RPL3: variants seen among roughly 807,000 people sequenced by gnomAD.
RPL3 encodes large ribosomal subunit protein uL3.
In RPL3, 3 loss-of-function variants were observed where a neutral mutation model predicts 46.0. The observed-to-expected ratio is 0.07, with a 90% CI of 0.03 to 0.17. The LOEUF (loss-of-function observed/expected upper bound fraction) is 0.17. Among genes scored for constraint, RPL3 ranks in the 10% least tolerant of loss-of-function variants. The probability of loss-of-function intolerance (pLI) is 1.00; values close to 1 mark genes in which losing one functional copy is unlikely to be tolerated. For synonymous variants in RPL3, 224 were observed against 190.8 expected (o/e 1.17, Z -1.43); for missense variants, 387 against 532.7 (o/e 0.73, Z 2.69).
intron 9 of RPL3, 47 bp downstream of exon 9, chr22:39,313,144 T>C (rs1601626153): frequency 1.9e-6 from 3 of 1,600,416 alleles, no homozygotes; most frequent in Non-Finnish European, 2.6e-6. Context: ...GGCAGGCGGC[T>C]GCCCAAGCCA....
At chr22:39,319,620 AGAGGCC>A in exon 1 of RPL3, 1 of 1,551,076 alleles carries the variant, frequency 6.4e-7, no homozygotes, top group Non-Finnish European at 8.7e-7. Context: ...TCCCGCCGGT[AGAGGCC>A]GGTCGGCCTT....
chr22:39,315,203 T>C (rs758042774), intron 5 of RPL3, 166 bp downstream of exon 5: 1 of 1,061,128 alleles, frequency 9.4e-7, no homozygotes, highest in Non-Finnish European at 1.5e-6. Flanking sequence ...CAGCCACTTC[T>C]GACCACAAGG....
Position 39,318,542 on chromosome 22 carries a change from A to G in RPL3, c.54T>C (p.Pro18=). 6.2e-7 allele frequency: 1 copy of G among 1,613,406 alleles called. No individual in the cohort carries two copies. The highest frequency in any genetic ancestry group is 1.6e-4 in the Middle Eastern group (1 of 6,062). The change falls in exon 2 of 10, where the codon CCT becomes CCC. Residue 18 remains proline (P), a synonymous_variant. Transcript: ENST00000216146. ...APRHGSLGFL[P]RKRSSRHRGK... is the part of the protein sequence containing the mutation. ...CACGATGCCTGCTGCTGCGCTTCCG[A>G]GGCAGGAAGCCGAGGGACCCATGTC...
intron 3 of RPL3, 32 bp from the exon 4 acceptor site, chr22:39,316,873 C>A: frequency 6.2e-7 from 1 of 1,613,234 alleles, no homozygotes; most frequent in Non-Finnish European, 8.5e-7. Context: ...GGGGAGGGGA[C>A]CAGGTGCAGG....
chr22:39,318,604 A>C lies in RPL3; in HGVS notation c.4-12T>G. 1 of 1,598,474 alleles carries C rather than the reference A, an allele frequency of 6.3e-7. No individual in the cohort carries two copies. The highest frequency in any genetic ancestry group is 8.5e-7 in the Non-Finnish European group (1 of 1,172,388). ...AACTTTCTGTGAGACTAGGTGGGAA[A>C]AAAATCACCGTCAGCACCCAAACCA... is the stretch of plus-strand genomic sequence containing the variant. On this transcript the variant is annotated splice_polypyrimidine_tract_variant and intron_variant, in intron 1 of 9. Coordinates refer to ENST00000216146, the MANE Select transcript of RPL3 (RefSeq NM_000967.4).
rs746407381 is a variant in RPL3, at chr22:39,314,224, G to C, written c.850-16C>G. ...TCTTATAAATCTGAATGAACAAGAA[G>C]GGTGTAAGGCTGGGGCATTAGGGAC... On this transcript the variant is annotated splice_polypyrimidine_tract_variant and intron_variant, in intron 6 of 9. Transcript: ENST00000216146. The C allele has an allele frequency of 6.2e-7, 1 of 1,608,144 alleles. No homozygotes were observed. The highest frequency in any genetic ancestry group is 2.2e-5 in the East Asian group (1 of 44,850).
intron 4 of RPL3, 63 bp downstream of exon 4, chr22:39,316,643 C>CA (rs1437771935): frequency 6.8e-6 from 11 of 1,606,536 alleles, no homozygotes; most frequent in African/African-American, 1.3e-5. Flanking sequence ...ACGGGACCCC[C>CA]ATGATCACAT....
intron 1 of RPL3, chr22:39,319,354 G>T (rs1335818418): frequency 1.6e-5 from 10 of 615,584 alleles, no homozygotes; most frequent in Non-Finnish European, 2.3e-5. Context: ...GGGCCTCCAA[G>T]CCTGCTCCCA....
At chr22:39,319,554 G>A (rs780150318) in intron 1 of RPL3, 41 bp downstream of exon 1, 20 of 1,559,824 alleles carry the variant, frequency 1.3e-5, no homozygotes, top group East Asian at 2.4e-5. Context: ...CAGCCGTGCC[G>A]ACGCCGGTGA....
At chr22:39,314,970 A>G in intron 5 of RPL3, 124 bp from the exon 6 acceptor site, 1 of 1,360,588 alleles carries the variant, frequency 7.3e-7, no homozygotes. Flanking sequence ...TTTCATGTGC[A>G]TTACCCACAG....
chr22:39,313,168 G>T (rs565787243), intron 9 of RPL3, 23 bp downstream of exon 9: 17 of 1,605,532 alleles, frequency 1.1e-5, no homozygotes, highest in South Asian at 5.6e-5. Flanking sequence ...CACCCAGCGA[G>T]GGGGGCAGGC....
chr22:39,317,154 G>C, intron 3 of RPL3: 1 of 580,114 alleles, frequency 1.7e-6, no homozygotes, highest in Non-Finnish European at 3.1e-6. Context: ...CAGGGCCAGA[G>C]GCCCTTGCCA....
intron 5 of RPL3, chr22:39,315,153 G>A (rs1922601310): frequency 2.4e-6 from 2 of 830,682 alleles, no homozygotes; most frequent in Admixed American, 3.4e-5. Flanking sequence ...AAAGGGTCCA[G>A]GAACGTGTTA....
chr22:39,318,321 C>T, intron 2 of RPL3, 79 bp downstream of exon 2: 1 of 1,509,810 alleles, frequency 6.6e-7, no homozygotes, highest in Non-Finnish European at 9.0e-7. Context: ...CTGCCCTCTG[C>T]TAACAGCTTG....
chr22:39,317,588 C>G lies in RPL3; in HGVS notation c.238G>C (p.Glu80Gln). 1 of 1,613,964 alleles carries G rather than the reference C, an allele frequency of 6.2e-7. No individual in the cohort carries two copies. Among genetic ancestry groups the G allele is most frequent in the Non-Finnish European group, 8.5e-7 (1 of 1,179,844 alleles). Reference sequence around the variant, plus strand: ...CCCACAACCACCATGGGTGGTGTCTCTACAATGGTCACAGCCTCCACCACC... The same window carrying G: ...CCCACAACCACCATGGGTGGTGTCTGTACAATGGTCACAGCCTCCACCACC... ...KEVVEAVTIV[E>Q]TPPMVVVGIV... is the part of the protein sequence containing the mutation. The change falls in exon 3 of 10, where the codon GAG becomes CAG. Residue 80 changes from glutamate to glutamine, a missense_variant. This residue lies in a region of RPL3 where 196 missense variants were observed against 217.5 expected (regional missense o/e 0.90). Coordinates refer to ENST00000216146, the MANE Select transcript of RPL3 (RefSeq NM_000967.4).
chr22:39,314,497 C>G (rs1302356637), intron 6 of RPL3, 189 bp downstream of exon 6: 1 of 702,142 alleles, frequency 1.4e-6, no homozygotes, highest in African/African-American at 1.8e-5. Context: ...AGCCCCACCA[C>G]AGCCACTCTA....
intron 4 of RPL3, 144 bp downstream of exon 4, chr22:39,316,562 C>G (rs929822912): frequency 9.7e-7 from 1 of 1,030,344 alleles, no homozygotes; most frequent in African/African-American, 1.6e-5. Context: ...GAATGGTTCC[C>G]TTGCTAAGGG....
At chr22:39,316,948 T>C (rs776958654) in intron 3 of RPL3, 107 bp from the exon 4 acceptor site, 3 of 1,567,070 alleles carry the variant, frequency 1.9e-6, no homozygotes, top group South Asian at 2.2e-5. Context: ...TGGAGCTCAT[T>C]GCCGGCTTCT....
Position 39,318,389 on chromosome 22 carries a change from T to G in RPL3, c.196+11A>C. On this transcript the variant is annotated intron_variant, in intron 2 of 9. Transcript: ENST00000216146. ...TCCTATTCCCCCAACTTTTAGGATG[T>G]CTGTACATACTGGATCCCGGCCTGT... 6.2e-7 allele frequency: 1 copy of G among 1,612,904 alleles called. No homozygotes were observed. Among genetic ancestry groups the G allele is most frequent in the Non-Finnish European group, 8.5e-7 (1 of 1,179,532 alleles).
Sources: allele counts gnomAD v4.1 joint callset, GRCh38; gene constraint gnomAD v4.1.1; regional missense constraint gnomAD v4.1.1; transcripts MANE v1.5; gene names NCBI Gene and HGNC (gene_info 2026-07-23, HGNC 2026-07-21).